The following PTPRG variants were observed in gnomAD, a reference collection of about 807,000 sequenced individuals.
PTPRG encodes protein tyrosine phosphatase receptor type G, also known as receptor-type tyrosine-protein phosphatase gamma.
PTPRG carries 102 observed loss-of-function variants against 165.3 expected under a neutral mutation model. The observed-to-expected ratio is 0.62, with a 90% CI of 0.53 to 0.73. The LOEUF (loss-of-function observed/expected upper bound fraction) is 0.73. Ranked by LOEUF, PTPRG falls within the 30% of genes least tolerant of loss-of-function variation. The pLI, the probability that PTPRG is intolerant of heterozygous loss-of-function variation, is 0.00. For synonymous variants in PTPRG, 675 were observed against 669.5 expected (o/e 1.01, Z -0.13); for missense variants, 1,866 against 1,861.4 (o/e 1.00, Z -0.05).
intron 2 of PTPRG, among the ~76,000 whole-genome samples, chr3:61,829,183 T>C (rs1015318264): frequency 2.6e-5 from 4 of 152,236 alleles, no homozygotes; most frequent in Non-Finnish European, 1.5e-5. Flanking sequence ...GCGAAGTAAA[T>C]GTCTCTGTGG....
intron 1 of PTPRG, among the ~76,000 whole-genome samples, chr3:61,593,145 A>G (rs1364682429): frequency 6.6e-6 from 1 of 152,122 alleles, no homozygotes; most frequent in Non-Finnish European, 1.5e-5. Context: ...TCCTATGCAC[A>G]TTGGAATTTG....
chr3:61,755,880 A>G (rs562157597), intron 2 of PTPRG, among the ~76,000 whole-genome samples: 16 of 152,326 alleles, frequency 1.1e-4, no homozygotes, highest in African/African-American at 3.8e-4. Flanking sequence ...TTCACCTGGA[A>G]TTGGACTACA....
chr3:62,089,013 A>G (rs1269925197), intron 5 of PTPRG, among the ~76,000 whole-genome samples: 1 of 152,214 alleles, frequency 6.6e-6, no homozygotes, highest in Non-Finnish European at 1.5e-5. Flanking sequence ...TTTGAGAAGA[A>G]CTTTACAATT....
chr3:61,644,934 G>A (rs1470122301), intron 1 of PTPRG, among the ~76,000 whole-genome samples: 2 of 152,164 alleles, frequency 1.3e-5, no homozygotes, highest in African/African-American at 4.8e-5. Context: ...CCCATTTGCT[G>A]CTGGAAAGTT....
rs1367247071 is a variant in PTPRG at position 62,287,028 on chromosome 3, C to T, written c.4055+4159C>T. ...TATTGTATAAATACTTTTAATTTTACTGCTTATTTAACCGTGGCTAAATAC... is the reference window on the plus strand; with the variant it reads ...TATTGTATAAATACTTTTAATTTTATTGCTTATTTAACCGTGGCTAAATAC... On this transcript the variant is annotated intron_variant, in intron 28 of 29. Transcript: ENST00000474889. Among the ~76,000 whole-genome samples, 3 of 152,094 alleles carry T rather than the reference C, an allele frequency of 2.0e-5. No individual in the cohort carries two copies. The East Asian group carries it at 5.8e-4, about 29-fold the overall frequency.
At chr3:61,754,996 T>C (rs951772724) in intron 2 of PTPRG, among the ~76,000 whole-genome samples, 5 of 152,046 alleles carry the variant, frequency 3.3e-5, no homozygotes, top group Non-Finnish European at 7.4e-5. Context: ...TCTTCTTCTT[T>C]TTTTTTTTCT....
chr3:61,937,463 A>G (rs1258345387), intron 2 of PTPRG, among the ~76,000 whole-genome samples: 2 of 152,198 alleles, frequency 1.3e-5, no homozygotes, highest in Non-Finnish European at 2.9e-5. Context: ...TCTAGATATT[A>G]TCAGATCCCA....
At chr3:62,192,696 C>T (rs1471759501) in intron 9 of PTPRG, among the ~76,000 whole-genome samples, 1 of 152,134 alleles carries the variant, frequency 6.6e-6, no homozygotes, top group Non-Finnish European at 1.5e-5. Flanking sequence ...CAGGCGTGAG[C>T]CACTGCGCCC....
chr3:62,280,796 C>G (rs967710769), intron 26 of PTPRG, among the ~76,000 whole-genome samples: 82 of 152,010 alleles, frequency 5.4e-4, no homozygotes, highest in African/African-American at 1.8e-3. Flanking sequence ...CGCCAAGATA[C>G]GGAAACAACC....
Position 62,293,347 on chromosome 3 carries a change from A to G in PTPRG, c.*40A>G. 1.3e-6 allele frequency: 2 copies of G among 1,481,838 alleles called. No homozygotes were observed. The highest frequency in any genetic ancestry group is 1.8e-6 in the Non-Finnish European group (2 of 1,117,386). 91.8% of individuals were successfully genotyped at this position (1,481,838 alleles called of 1,614,324 possible). On this transcript the variant is annotated 3_prime_UTR_variant, in exon 30 of 30. Transcript: ENST00000474889. ...GGGCACTTAATTTGTAAACTTCTGA[A>G]GACTGAGAACTTTTTTGAGGCCTTT...
At chr3:61,922,648 T>A (rs1013141753) in intron 2 of PTPRG, among the ~76,000 whole-genome samples, 12 of 152,344 alleles carry the variant, frequency 7.9e-5, no homozygotes, top group Admixed American at 5.2e-4. Context: ...AGTTCAGGTC[T>A]TTTATCTTTT....
At chr3:62,199,969 G>T (rs1412627183) in intron 10 of PTPRG, among the ~76,000 whole-genome samples, 1 of 152,180 alleles carries the variant, frequency 6.6e-6, no homozygotes, top group African/African-American at 2.4e-5. Context: ...TGAAGCTTGA[G>T]GACGTTATGC....
At chr3:61,862,430 G>A (rs3846228) in intron 2 of PTPRG, among the ~76,000 whole-genome samples, 16,684 of 146,996 alleles carry the variant, frequency 0.11, 1,580 homozygotes, top group African/African-American at 0.26. Flanking sequence ...TGCCCAGGCT[G>A]GAGTGCAATG....
At chr3:61,617,928 C>CTTTT (rs1701342558) in intron 1 of PTPRG, among the ~76,000 whole-genome samples, 1 of 152,160 alleles carries the variant, frequency 6.6e-6, no homozygotes, top group Non-Finnish European at 1.5e-5. Flanking sequence ...TGTAGGAAAA[C>CTTTT]GTCTGATAGT....
intron 26 of PTPRG, among the ~76,000 whole-genome samples, chr3:62,278,490 G>A (rs542962337): frequency 5.9e-5 from 9 of 151,966 alleles, no homozygotes; most frequent in South Asian, 2.1e-4. Flanking sequence ...CTTAAGTTTC[G>A]GAATTAGCTG....
chr3:61,805,741 G>A (rs1452300979), intron 2 of PTPRG, among the ~76,000 whole-genome samples: 1 of 152,114 alleles, frequency 6.6e-6, no homozygotes, highest in Non-Finnish European at 1.5e-5. Context: ...ATCTTGTGCT[G>A]TATTTACTGT....
chr3:61,974,041 C>T (rs1030821910), intron 2 of PTPRG, among the ~76,000 whole-genome samples: 1 of 152,076 alleles, frequency 6.6e-6, no homozygotes, highest in African/African-American at 2.4e-5. Flanking sequence ...ACCAACACCA[C>T]AGAGCCATAC....
chr3:62,083,923 A>G (rs549832054), intron 5 of PTPRG, among the ~76,000 whole-genome samples: 3 of 152,156 alleles, frequency 2.0e-5, no homozygotes, highest in Non-Finnish European at 1.5e-5. Context: ...CATGAAGTAT[A>G]TTGTTATTGA....
intron 1 of PTPRG, among the ~76,000 whole-genome samples, chr3:61,653,812 C>T (rs1163831311): frequency 6.6e-6 from 1 of 150,680 alleles, no homozygotes; most frequent in South Asian, 2.1e-4. Context: ...CACCTTGGCC[C>T]ACACTGTTCC....
Sources: allele counts gnomAD v4.1 joint callset (sites outside exome capture counted in the v4.1 genomes callset), GRCh38; gene constraint gnomAD v4.1.1; transcripts MANE v1.5; gene names NCBI Gene and HGNC (gene_info 2026-07-23, HGNC 2026-07-21).